WASL: variants seen among roughly 807,000 people sequenced by gnomAD.
The protein encoded by WASL is WASP like actin nucleation promoting factor, also known as actin nucleation-promoting factor WASL.
A neutral mutation model predicts 55.5 loss-of-function variants in WASL; 20 were observed. The observed-to-expected ratio is 0.36, with a 90% confidence interval of 0.25 to 0.52. The LOEUF (loss-of-function observed/expected upper bound fraction) is 0.52, where lower values mean the gene tolerates loss of function less well. Among genes scored for constraint, WASL ranks in the 20% least tolerant of loss-of-function variants. The pLI is 0.92. For missense variants in WASL, 504 were observed against 622.5 expected (o/e 0.81, Z 2.03); for synonymous variants, 249 against 217.6 (o/e 1.14, Z -1.27).
At chr7:123,731,255 A>G (rs1165051012) in intron 1 of WASL, among the ~76,000 whole-genome samples, 1 of 152,240 alleles carries the variant, frequency 6.6e-6, no homozygotes, top group Admixed American at 6.5e-5. Flanking sequence ...AATTATACAA[A>G]AAGACATAAC....
chr7:123,704,590 G>C (rs377508210), intron 5 of WASL, 44 bp downstream of exon 5: 1 of 1,457,818 alleles, frequency 6.9e-7, no homozygotes, highest in African/African-American at 1.4e-5. Context: ...GGATTAAACT[G>C]TCATCTAAAA....
intron 1 of WASL, among the ~76,000 whole-genome samples, chr7:123,733,907 A>C (rs1584872775): frequency 9.8e-6 from 1 of 102,186 alleles, no homozygotes; most frequent in African/African-American, 3.9e-5. Context: ...CTAGACATCC[A>C]CGTGCCAAAA....
intron 5 of WASL, among the ~76,000 whole-genome samples, chr7:123,701,069 G>C (rs17146251): frequency 0.28 from 43,034 of 152,028 alleles, 6,557 homozygotes; most frequent in African/African-American, 0.38. Flanking sequence ...ACTAAAAAAA[G>C]TGATAACCTG....
At chr7:123,702,120 T>C (rs1256132582) in intron 5 of WASL, among the ~76,000 whole-genome samples, 4 of 151,812 alleles carry the variant, frequency 2.6e-5, no homozygotes, top group African/African-American at 4.8e-5. Context: ...AATGGTGTGA[T>C]CTCGGCTCAC....
chr7:123,697,267 T>C lies in WASL; in HGVS notation c.461-520A>G, dbSNP rs74480592. ...ACTGGCATCCTTAAGTCAAATGATA[T>C]TTTCCCCACCAGTACGCATACACCT... On this transcript the variant is annotated intron_variant, in intron 5 of 10. Transcript: ENST00000223023. Among the ~76,000 whole-genome samples, 1,446 of 152,284 alleles carry C rather than the reference T, an allele frequency of 9.5e-3. 15 individuals carry two copies. Among genetic ancestry groups the C allele is most frequent in the Admixed American group, 0.015 (231 of 15,286 alleles).
intron 1 of WASL, among the ~76,000 whole-genome samples, chr7:123,732,634 T>G (rs1268628651): frequency 6.6e-6 from 1 of 152,196 alleles, no homozygotes; most frequent in East Asian, 1.9e-4. Context: ...GAGGAATACA[T>G]GATAGAAATC....
intron 1 of WASL, among the ~76,000 whole-genome samples, chr7:123,743,715 T>C (rs910071724): frequency 6.6e-6 from 1 of 152,224 alleles, no homozygotes; most frequent in Non-Finnish European, 1.5e-5. Context: ...CTTTGTGTCA[T>C]GGACTCTAAG....
At chr7:123,744,472 G>A (rs1804397226) in intron 1 of WASL, among the ~76,000 whole-genome samples, 1 of 151,812 alleles carries the variant, frequency 6.6e-6, no homozygotes, top group African/African-American at 2.4e-5. Context: ...TATATAGTGA[G>A]GAAACAAAAA....
chr7:123,704,155 T>C (rs963236238), intron 5 of WASL, among the ~76,000 whole-genome samples: 1 of 152,156 alleles, frequency 6.6e-6, no homozygotes, highest in African/African-American at 2.4e-5. Context: ...ACCACAACAG[T>C]AGGTGTTCAT....
intron 5 of WASL, among the ~76,000 whole-genome samples, chr7:123,702,708 C>T (rs946323722): frequency 6.6e-6 from 1 of 152,130 alleles, no homozygotes. Context: ...GCATTTACAT[C>T]GTATTAGGTA....
intron 4 of WASL, among the ~76,000 whole-genome samples, chr7:123,704,948 G>C (rs1446192715): frequency 6.6e-6 from 1 of 152,200 alleles, no homozygotes. Context: ...ACTAGATCAT[G>C]TAGGGTTCCA....
At chr7:123,736,915 T>C (rs1046614117) in intron 1 of WASL, among the ~76,000 whole-genome samples, 1 of 152,176 alleles carries the variant, frequency 6.6e-6, no homozygotes, top group African/African-American at 2.4e-5. Context: ...CCAGAAAATA[T>C]TGAAGAGTAA....
intron 5 of WASL, among the ~76,000 whole-genome samples, chr7:123,698,605 C>A (rs1479534066): frequency 1.3e-5 from 2 of 151,748 alleles, no homozygotes; most frequent in East Asian, 3.9e-4. Context: ...TCAAAAATTC[C>A]ATAGGAAGTT....
intron 4 of WASL, 69 bp downstream of exon 4, chr7:123,706,206 AGG>A: frequency 7.3e-7 from 1 of 1,374,678 alleles, no homozygotes; most frequent in Non-Finnish European, 1.0e-6. Flanking sequence ...TACAAAAAAC[AGG>A]AAATGGACCA....
chr7:123,696,255 T>C (rs1224925517), intron 6 of WASL, among the ~76,000 whole-genome samples: 3 of 152,060 alleles, frequency 2.0e-5, no homozygotes, highest in African/African-American at 7.2e-5. Flanking sequence ...GCAGTATCTG[T>C]AAACAATTTC....
rs941154225 is a variant in WASL, at chr7:123,721,745, G to C, written c.118-12522C>G. On this transcript the variant is annotated intron_variant, in intron 1 of 10. Transcript: ENST00000223023. Reference sequence around the variant, plus strand: ...ATGTCCAACATGATGAAACCCTGTCGCTACTAAAAACACAAAATTTGGTCA... The same window carrying C: ...ATGTCCAACATGATGAAACCCTGTCCCTACTAAAAACACAAAATTTGGTCA... 2.6e-5 allele frequency among the ~76,000 whole-genome samples: 4 copies of C among 152,040 alleles called. No individual in the cohort carries two copies. The South Asian group carries it at 8.3e-4, about 32-fold the overall frequency.
intron 2 of WASL, among the ~76,000 whole-genome samples, chr7:123,708,886 A>G (rs1803713063): frequency 6.6e-6 from 1 of 152,020 alleles, no homozygotes; most frequent in East Asian, 1.9e-4. Flanking sequence ...AAAATAGGAA[A>G]CTATTCACAT....
intron 5 of WASL, among the ~76,000 whole-genome samples, chr7:123,697,019 AAATAT>A (rs1336837182): frequency 6.6e-6 from 1 of 152,150 alleles, no homozygotes; most frequent in Non-Finnish European, 1.5e-5. Flanking sequence ...GCTAGAATTT[AAATAT>A]AATTAGTCTA....
rs994315610 is a variant in WASL, at chr7:123,720,877, TA to T, written c.118-11655del. ...AAATTGATTTAAAATATATACACGT[TA>T]AAAAAAAAAGACCTACTCAAATCAC... On this transcript the variant is annotated intron_variant, in intron 1 of 10. Transcript: ENST00000223023. Among the ~76,000 whole-genome samples the T allele has an allele frequency of 1.8e-3, 265 of 146,892 alleles. 2 individuals are homozygous for T. The highest frequency in any genetic ancestry group is 0.013 in the Admixed American group (190 of 14,726).
Sources: gnomAD v4.1 joint callset for allele counts (sites outside exome capture counted in the v4.1 genomes callset) on GRCh38, gnomAD v4.1.1 for gene constraint, MANE v1.5 for transcripts, NCBI Gene and HGNC (gene_info 2026-07-23, HGNC 2026-07-21) for gene names.